The following AMPH variants were observed in gnomAD, a reference collection of about 807,000 sequenced individuals.
AMPH encodes the protein amphiphysin (Stiff-Mann syndrome with breast cancer 128kD autoantigen).
In AMPH, 49 loss-of-function variants were observed where a neutral mutation model predicts 99.1. The observed-to-expected ratio is 0.49, with a 90% CI of 0.39 to 0.63. The LOEUF is 0.63. Ranked by LOEUF, AMPH falls within the 20% of genes least tolerant of loss-of-function variation. AMPH has a pLI of 0.00. For synonymous variants in AMPH, 314 were observed against 317.3 expected, an observed-to-expected ratio of 0.99 and a Z score of 0.11; for missense variants, 759 against 863.4, an observed-to-expected ratio of 0.88 and a Z score of 1.52.
intron 2 of AMPH, among the ~76,000 whole-genome samples, chr7:38,517,106 A>G (rs944173430): frequency 1.3e-5 from 2 of 152,108 alleles, no homozygotes; most frequent in Admixed American, 6.5e-5. Flanking sequence ...TGGACTTTTG[A>G]GTTAATGCTG....
rs1250506900 is a variant in AMPH at position 38,491,137 on chromosome 7, A to T, written c.309T>A (p.Asp103Glu). 1 of 1,610,564 alleles carries T rather than the reference A, an allele frequency of 6.2e-7. No individual in the cohort carries two copies. The highest frequency in any genetic ancestry group is 8.5e-7 in the Non-Finnish European group (1 of 1,177,166). The change falls in exon 5 of 21, where the codon GAT becomes GAA. Residue 103 changes from aspartate to glutamate, a missense_variant. Physicochemically the swap from Asp to Glu is conservative, Grantham distance 45. Transcript: ENST00000356264. ...TTTGATGGAAGTCTTCCCACAGCAC[A>T]TCACATTTCTAAAAGAAATAAAGAG... is the stretch of plus-strand genomic sequence containing the variant. Reference protein sequence around the residue: ...EDVKMVGEKCDVLWEDFHQKL... With the variant: ...EDVKMVGEKCEVLWEDFHQKL...
intron 1 of AMPH, among the ~76,000 whole-genome samples, chr7:38,567,009 T>C (rs958379187): frequency 1.3e-5 from 2 of 152,180 alleles, no homozygotes; most frequent in African/African-American, 4.8e-5. Context: ...GAACTAGAAA[T>C]ACCATTTGAC....
rs191010508 is a variant in AMPH at position 38,446,069 on chromosome 7, A to C, written c.1018-9681T>G. ...CCATGCTTCCTGTAAAGCTTGCAGA[A>C]CCATAAGCCAATTAAATCTCTTCTC... On this transcript the variant is annotated intron_variant, in intron 11 of 20. Transcript: ENST00000356264. 9.6e-3 allele frequency among the ~76,000 whole-genome samples: 1,465 copies of C among 152,320 alleles called. 20 individuals are homozygous for C. The highest frequency in any genetic ancestry group is 0.013 in the Non-Finnish European group (882 of 68,030).
At chr7:38,551,624 C>T (rs1047960619) in intron 1 of AMPH, among the ~76,000 whole-genome samples, 1 of 152,146 alleles carries the variant, frequency 6.6e-6, no homozygotes, top group Non-Finnish European at 1.5e-5. Context: ...GCTACACATC[C>T]TCCAAGAATG....
intron 1 of AMPH, among the ~76,000 whole-genome samples, chr7:38,599,802 ATATT>A: frequency 6.6e-6 from 1 of 151,552 alleles, no homozygotes; most frequent in East Asian, 1.9e-4. Context: ...AATATTTTAA[ATATT>A]TATGTATTGT....
intron 17 of AMPH, among the ~76,000 whole-genome samples, chr7:38,408,842 C>T (rs980826963): frequency 4.0e-5 from 6 of 151,212 alleles, no homozygotes; most frequent in Non-Finnish European, 5.9e-5. Context: ...CTATAGATTT[C>T]ATTTTTGTCC....
At chr7:38,618,065 T>G (rs368121911) in intron 1 of AMPH, among the ~76,000 whole-genome samples, 29 of 152,342 alleles carry the variant, frequency 1.9e-4, no homozygotes, top group African/African-American at 7.0e-4. Flanking sequence ...GCTTTATTTT[T>G]TAATGAGCAA....
At chr7:38,413,536 T>C (rs1482032883) in intron 17 of AMPH, among the ~76,000 whole-genome samples, 2 of 152,192 alleles carry the variant, frequency 1.3e-5, no homozygotes, top group Non-Finnish European at 2.9e-5. Flanking sequence ...CTTGGTATCA[T>C]GAACAAGAGA....
rs188490881 is a variant in AMPH, at chr7:38,465,472, C to T, written c.744G>A (p.Ala248=). ...HADKAFTIQG[A]PSDSGPLRIA... ...TCCAATGAGCAGGGGCCTACCTGGG[C>T]GCTCCTTGGATGGTGAAGGCCTTGT... is the stretch of plus-strand genomic sequence containing the variant. Residue 248 remains alanine, a synonymous_variant, in exon 9 of 21, where the codon GCG becomes GCA. Transcript: ENST00000356264. The T allele has an allele frequency of 1.8e-5, 28 of 1,573,558 alleles. No homozygotes were observed. The Admixed American group carries it at 2.2e-4, about 12-fold the overall frequency.
intron 17 of AMPH, among the ~76,000 whole-genome samples, chr7:38,416,192 AC>A (rs2128986526): frequency 6.7e-6 from 1 of 148,724 alleles, no homozygotes; most frequent in Non-Finnish European, 1.5e-5. Context: ...AAAACCATAA[AC>A]CTGGATTCTG....
At chr7:38,603,567 T>A (rs190370032) in intron 1 of AMPH, among the ~76,000 whole-genome samples, 1 of 152,286 alleles carries the variant, frequency 6.6e-6, no homozygotes. Context: ...GCTACGAACG[T>A]ACATGCTTCC....
At chr7:38,463,970 G>T in intron 9 of AMPH, 1 of 969,434 alleles carries the variant, frequency 1.0e-6, no homozygotes, top group Non-Finnish European at 1.4e-6. Context: ...AGGAAACTGG[G>T]TCCTTTAGCG....
chr7:38,624,303 G>A (rs150545163), intron 1 of AMPH, among the ~76,000 whole-genome samples: 142 of 148,212 alleles, frequency 9.6e-4, no homozygotes, highest in Non-Finnish European at 1.5e-3. Context: ...AATCACTTGG[G>A]ACAGAGAAAA....
intron 17 of AMPH, among the ~76,000 whole-genome samples, chr7:38,406,745 T>C (rs1405931171): frequency 1.5e-5 from 2 of 136,116 alleles, no homozygotes; most frequent in African/African-American, 3.1e-5. Flanking sequence ...TCTCTCTCTC[T>C]CTCTCTCTCT....
chr7:38,398,693 A>G (rs1784756187), intron 17 of AMPH, among the ~76,000 whole-genome samples: 1 of 152,232 alleles, frequency 6.6e-6, no homozygotes, highest in African/African-American at 2.4e-5. Context: ...AAAGAATATT[A>G]CTGGATTATA....
intron 1 of AMPH, among the ~76,000 whole-genome samples, chr7:38,559,739 A>C (rs1791491438): frequency 1.3e-5 from 2 of 152,316 alleles, no homozygotes; most frequent in African/African-American, 2.4e-5. Flanking sequence ...AATTGGCCTA[A>C]TGTCGCATAA....
At chr7:38,456,008 T>C (rs1787218516) in intron 11 of AMPH, among the ~76,000 whole-genome samples, 1 of 152,130 alleles carries the variant, frequency 6.6e-6, no homozygotes, top group Admixed American at 6.6e-5. Flanking sequence ...TACCTGCCTA[T>C]ACTACACCAC....
intron 12 of AMPH, among the ~76,000 whole-genome samples, chr7:38,433,724 C>CAAGAAAAAA (rs1786138588): frequency 1.9e-5 from 1 of 53,192 alleles, no homozygotes; most frequent in Non-Finnish European, 3.1e-5. Context: ...GACTCCGTCT[C>CAAGAAAAAA]AAAAAAAAAA....
At chr7:38,531,301 G>GAGTA (rs1383112932) in intron 2 of AMPH, 1 of 152,238 alleles carries the variant, frequency 6.6e-6, no homozygotes, top group African/African-American at 2.4e-5. Flanking sequence ...TCACCCTGCT[G>GAGTA]AGTAGCTGGA....
Sources: allele counts gnomAD v4.1 joint callset (sites outside exome capture counted in the v4.1 genomes callset), GRCh38; gene constraint gnomAD v4.1.1; transcripts MANE v1.5; gene names NCBI Gene and HGNC (gene_info 2026-07-23, HGNC 2026-07-21).